Variants in RHOH observed in about 807,000 individuals in gnomAD.
RHOH encodes the protein ras homolog family member H.
RHOH carries 6 observed loss-of-function variants against 13.8 expected under a neutral mutation model. The ratio of observed to expected loss-of-function variants is 0.44; its 90% CI spans 0.24 to 0.86. The LOEUF is 0.86. Among genes scored for constraint, RHOH ranks in the 40% least tolerant of loss-of-function variants. The pLI is 0.24. For missense variants in RHOH, 147 were observed against 244.5 expected, an observed-to-expected ratio of 0.60 and a Z score of 2.66; for synonymous variants, 117 against 103.0, an observed-to-expected ratio of 1.14 and a Z score of -0.82.
intron 1 of RHOH, among the ~76,000 whole-genome samples, chr4:40,221,817 G>A (rs1189536408): frequency 3.3e-5 from 5 of 152,186 alleles, no homozygotes; most frequent in Admixed American, 1.3e-4. Context: ...AATGAGGAAG[G>A]CATGTTGAAA....
intron 1 of RHOH, among the ~76,000 whole-genome samples, chr4:40,197,866 T>C (rs957849206): frequency 2.0e-5 from 3 of 152,192 alleles, no homozygotes; most frequent in African/African-American, 7.2e-5. Context: ...TTTGGAGATA[T>C]GCTACGAGGT....
intron 1 of RHOH, among the ~76,000 whole-genome samples, chr4:40,232,015 T>C (rs889755826): frequency 2.6e-5 from 4 of 152,262 alleles, no homozygotes; most frequent in Non-Finnish European, 2.9e-5. Flanking sequence ...TGATTCCTGC[T>C]AGTTGCAGGT....
chr4:40,231,448 TA>T (rs1727932750), intron 1 of RHOH, among the ~76,000 whole-genome samples: 1 of 151,850 alleles, frequency 6.6e-6, no homozygotes, highest in South Asian at 2.1e-4. Context: ...CTTCATTCAG[TA>T]AACGATAGCC....
At chr4:40,226,198 A>G (rs1450044081) in intron 1 of RHOH, among the ~76,000 whole-genome samples, 1 of 152,156 alleles carries the variant, frequency 6.6e-6, no homozygotes, top group Non-Finnish European at 1.5e-5. Context: ...GACTTGCCCA[A>G]GGTTATACTG....
At chr4:40,238,527 C>T (rs1489051829) in intron 1 of RHOH, among the ~76,000 whole-genome samples, 7 of 152,216 alleles carry the variant, frequency 4.6e-5, no homozygotes, top group African/African-American at 1.7e-4. Flanking sequence ...AAGGGCCCAA[C>T]TCTGTTGCTT....
intron 1 of RHOH, chr4:40,235,247 A>G (rs924137011): frequency 2.0e-5 from 3 of 152,222 alleles, no homozygotes; most frequent in Admixed American, 1.3e-4. Context: ...AACTGCACAC[A>G]CTTGTGGAAC....
intron 1 of RHOH, among the ~76,000 whole-genome samples, chr4:40,216,192 T>C (rs998779882): frequency 1.3e-5 from 2 of 150,426 alleles, no homozygotes; most frequent in African/African-American, 2.5e-5. Context: ...TTTTAGGCCA[T>C]GCACAGGGGC....
At chr4:40,242,366 A>G (rs1361891562) in intron 1 of RHOH, among the ~76,000 whole-genome samples, 1 of 152,262 alleles carries the variant, frequency 6.6e-6, no homozygotes, top group Non-Finnish European at 1.5e-5. Context: ...GTTAAAAGAA[A>G]GAAATAACTT....
At chr4:40,220,144 T>C (rs1309954205) in intron 1 of RHOH, among the ~76,000 whole-genome samples, 1 of 152,126 alleles carries the variant, frequency 6.6e-6, no homozygotes. Context: ...TCAGCCACCA[T>C]AGCCAGCTGT....
rs34336418 is a variant in RHOH, at chr4:40,235,590, C to CAAA, written c.-330-7108_-330-7106dup. ...GGGCAAAAAGAGCGAAACTTCATCT[C>CAAA]AAAAAAAAAAAAAAAAAAGAAAAAA... is the stretch of plus-strand genomic sequence containing the variant. On this transcript the variant is annotated intron_variant, in intron 1 of 2. Coordinates refer to ENST00000381799, the MANE Select transcript of RHOH (RefSeq NM_004310.5). 1.2e-3 allele frequency among the ~76,000 whole-genome samples: 86 copies of CAAA among 74,766 alleles called. 1 individual carries two copies. Among genetic ancestry groups the CAAA allele is most frequent in the African/African-American group, 4.6e-3 (78 of 17,050 alleles). The allele number at this position is 74,766 out of a possible 152,430, so 49.0% of individuals were successfully genotyped here.
At position 40,218,376 on chromosome 4, in the gene RHOH, T is replaced by C. The variant is rs564068581; in HGVS notation, c.-331+21076T>C. 7.2e-5 allele frequency: 11 copies of C among 152,228 alleles called. No homozygotes were observed. The highest frequency in any genetic ancestry group is 1.3e-4 in the Non-Finnish European group (9 of 68,048). 9.4% of individuals were successfully genotyped at this position (152,228 alleles called of 1,614,324 possible). ...GCTGGAACATGTTCCCAGGAAAACA[T>C]GCCCAAATTCTGTTCTACCTTGTGT... On this transcript the variant is annotated intron_variant, in intron 1 of 2. Coordinates refer to ENST00000381799, the MANE Select transcript of RHOH (RefSeq NM_004310.5). The surrounding 1 kb of genome is among the most constrained non-coding windows in gnomAD (Gnocchi z 4.1).
At chr4:40,199,850 C>G (rs1323563397) in intron 1 of RHOH, among the ~76,000 whole-genome samples, 1 of 152,186 alleles carries the variant, frequency 6.6e-6, no homozygotes, top group African/African-American at 2.4e-5. Flanking sequence ...CCTCCTTCCC[C>G]ATTCCACTCT....
chr4:40,200,183 G>A (rs775867855), intron 1 of RHOH, among the ~76,000 whole-genome samples: 2 of 152,196 alleles, frequency 1.3e-5, no homozygotes, highest in Non-Finnish European at 2.9e-5. Context: ...GTGGAAGGGT[G>A]CCAGAAACTT....
At chr4:40,212,326 G>A (rs1343287082) in intron 1 of RHOH, among the ~76,000 whole-genome samples, 1 of 152,120 alleles carries the variant, frequency 6.6e-6, no homozygotes, top group Admixed American at 6.5e-5. Context: ...CCAGCCTATC[G>A]TCAGAGTGCA....
chr4:40,205,039 G>A (rs969041244), intron 1 of RHOH, among the ~76,000 whole-genome samples: 1 of 152,156 alleles, frequency 6.6e-6, no homozygotes, highest in African/African-American at 2.4e-5. Context: ...GAGGCAGGCA[G>A]ATCATCTGAG....
chr4:40,220,871 G>A (rs751160868), intron 1 of RHOH, among the ~76,000 whole-genome samples: 2 of 151,948 alleles, frequency 1.3e-5, no homozygotes, highest in Non-Finnish European at 2.9e-5. Context: ...TTATATATTT[G>A]TTTTGCTCAG....
chr4:40,214,852 A>G (rs1440366472), intron 1 of RHOH, among the ~76,000 whole-genome samples: 1 of 152,000 alleles, frequency 6.6e-6, no homozygotes, highest in Non-Finnish European at 1.5e-5. Flanking sequence ...GTCCCTGTTG[A>G]CCAGGGAATG....
chr4:40,210,612 C>T (rs1725157966), intron 1 of RHOH, among the ~76,000 whole-genome samples: 1 of 142,708 alleles, frequency 7.0e-6, no homozygotes, highest in Admixed American at 6.9e-5. Context: ...TTATTATTAA[C>T]AATTCCCTTA....
chr4:40,234,134 A>G (rs1323911981), intron 1 of RHOH, among the ~76,000 whole-genome samples: 1 of 151,806 alleles, frequency 6.6e-6, no homozygotes, highest in Admixed American at 6.6e-5. Context: ...TTCCTAGAAC[A>G]GTTCAGCTCA....
Sources: gnomAD v4.1 joint callset for allele counts (sites outside exome capture counted in the v4.1 genomes callset) on GRCh38, gnomAD v4.1.1 for gene constraint, Gnocchi (gnomAD v3.1) non-coding constraint, MANE v1.5 for transcripts, NCBI Gene and HGNC (gene_info 2026-07-23, HGNC 2026-07-21) for gene names.